ACSM2B: variants seen among roughly 807,000 people sequenced by gnomAD.
ACSM2B encodes the protein acyl-CoA synthetase medium chain family member 2B.
ACSM2B carries 58 observed loss-of-function variants against 78.6 expected under a neutral mutation model. That is an observed-to-expected ratio of 0.74 (90% confidence interval 0.60 to 0.92). The LOEUF (loss-of-function observed/expected upper bound fraction) is 0.92, where lower values mean the gene tolerates loss of function less well. Among genes scored for constraint, ACSM2B ranks in the 40% least tolerant of loss-of-function variants. The pLI is 0.00. For missense variants in ACSM2B, 688 were observed against 711.2 expected (o/e 0.97, Z 0.37); for synonymous variants, 257 against 256.8 (o/e 1.00, Z -0.01).
chr16:20,542,147 A>G (rs999198922), intron 12 of ACSM2B: 8 of 151,314 alleles, frequency 5.3e-5, no homozygotes, highest in African/African-American at 2.0e-4. Flanking sequence ...TATACAATAC[A>G]TGGTTGTTAA....
chr16:20,540,891 G>A (rs1489017259), intron 12 of ACSM2B, 118 bp from the exon 13 acceptor site: 25 of 1,418,360 alleles, frequency 1.8e-5, no homozygotes, highest in Middle Eastern at 4.7e-4. Flanking sequence ...TTGCACCCCC[G>A]GTGATCCAGG....
intron 2 of ACSM2B, among the ~76,000 whole-genome samples, chr16:20,563,763 T>C (rs1360223864): frequency 6.6e-6 from 1 of 151,892 alleles, no homozygotes. Context: ...GGACATCATG[T>C]CATAATCGTG....
At chr16:20,554,253 C>G (rs1045579283) in intron 4 of ACSM2B, 1 of 471,000 alleles carries the variant, frequency 2.1e-6, no homozygotes, top group South Asian at 1.7e-5. Flanking sequence ...GAGCAACTTG[C>G]TTAGCAAGAG....
intron 3 of ACSM2B, among the ~76,000 whole-genome samples, chr16:20,558,245 A>C (rs1297018655): frequency 6.6e-6 from 1 of 151,886 alleles, no homozygotes; most frequent in Non-Finnish European, 1.5e-5. Context: ...AAACTAACTC[A>C]ACCAGTTCTG....
intron 9 of ACSM2B, 60 bp from the exon 10 acceptor site, chr16:20,545,318 G>T (rs2015105661): frequency 5.1e-6 from 8 of 1,564,906 alleles, no homozygotes; most frequent in African/African-American, 4.1e-5. Context: ...TTCAATGGCA[G>T]CAGGAGATTG....
At position 20,537,116 on chromosome 16, in the gene ACSM2B, T is replaced by C; in HGVS notation, c.*142A>G. 1.0e-6 allele frequency: 1 copy of C among 961,426 alleles called. No homozygotes were observed. The highest frequency in any genetic ancestry group is 1.6e-6 in the Non-Finnish European group (1 of 625,914). 59.6% of individuals were successfully genotyped at this position (961,426 alleles called of 1,614,324 possible). A position where few individuals can be genotyped will look rare whatever the true frequency, so the allele number is the denominator to read the frequency against. On this transcript the variant is annotated 3_prime_UTR_variant, in exon 14 of 14. Transcript: ENST00000329697. ...TTTCAATATCTAACATAGTAATGTT[T>C]TGTGCTAATAACCAGGGCAAGACAA...
chr16:20,565,077 T>A (rs1386606837), intron 1 of ACSM2B, among the ~76,000 whole-genome samples: 3 of 152,150 alleles, frequency 2.0e-5, no homozygotes, highest in African/African-American at 7.2e-5. Context: ...ATCCTACATA[T>A]TCAACACTTC....
intron 1 of ACSM2B, chr16:20,575,653 T>C (rs941717693): frequency 1.3e-5 from 2 of 149,652 alleles, no homozygotes; most frequent in African/African-American, 4.9e-5. Context: ...AGGGTGGGTC[T>C]GCCTCTCCCA....
chr16:20,560,429 T>G (rs1298549049), intron 2 of ACSM2B, among the ~76,000 whole-genome samples: 1 of 151,990 alleles, frequency 6.6e-6, no homozygotes, highest in African/African-American at 2.4e-5. Flanking sequence ...TGGCACCTTC[T>G]CACTCTCTGT....
In ACSM2B at chr16:20,559,393, C is replaced by T. The variant is rs2015574521; in HGVS notation, c.232G>A (p.Glu78Lys). 2 of 1,612,906 alleles carry T rather than the reference C, an allele frequency of 1.2e-6. No homozygotes were observed. Among genetic ancestry groups the T allele is most frequent in the Non-Finnish European group, 1.7e-6 (2 of 1,179,446 alleles). The change falls in exon 3 of 14, where the codon GAA (glutamate) becomes AAA (lysine). Residue 78 changes from glutamate (E) to lysine (K), a missense_variant. Coordinates refer to ENST00000329697, the MANE Select transcript of ACSM2B (RefSeq NM_001105069.2). Reference protein sequence around the residue: ...ALWWVNGKGKELMWNFRELSE... With the variant: ...ALWWVNGKGKKLMWNFRELSE... ...AGTTCTCTGAAATTCCACATTAATT[C>T]CTTCCCCTTCCCATTCACCCACCAC...
chr16:20,538,894 A>G (rs1445251088), intron 13 of ACSM2B, among the ~76,000 whole-genome samples: 2 of 152,014 alleles, frequency 1.3e-5, no homozygotes, highest in Non-Finnish European at 2.9e-5. Context: ...GGACTCTGAT[A>G]TGCAGCTAAG....
chr16:20,537,090 A>C lies in ACSM2B; in HGVS notation c.*168T>G, dbSNP rs1386992706. The C allele has an allele frequency of 2.1e-5, 16 of 750,184 alleles. No individual in the cohort carries two copies. Among genetic ancestry groups the C allele is most frequent in the African/African-American group, 5.3e-5 (3 of 56,296 alleles). The allele number at this position is 750,184 out of a possible 1,614,324, so 46.5% of individuals were successfully genotyped here. On this transcript the variant is annotated 3_prime_UTR_variant, in exon 14 of 14. Coordinates refer to ENST00000329697, the MANE Select transcript of ACSM2B (RefSeq NM_001105069.2). ...CTCTCTCTCATTCCTTCCCTTTCTT[A>C]TTTCAATATCTAACATAGTAATGTT...
chr16:20,561,743 C>T (rs1247662629), intron 2 of ACSM2B, among the ~76,000 whole-genome samples: 6 of 151,310 alleles, frequency 4.0e-5, no homozygotes, highest in African/African-American at 7.3e-5. Flanking sequence ...CTTTAAGTTT[C>T]AGGGTACATG....
chr16:20,544,591 C>G, intron 10 of ACSM2B: 2 of 985,248 alleles, frequency 2.0e-6, no homozygotes, highest in Non-Finnish European at 2.4e-6. Flanking sequence ...AAGGCATGCC[C>G]TTGGGTTCTT....
intron 1 of ACSM2B, among the ~76,000 whole-genome samples, chr16:20,571,511 G>T (rs1396777388): frequency 6.0e-5 from 9 of 151,030 alleles, no homozygotes; most frequent in Non-Finnish European, 1.2e-4. Flanking sequence ...CTTGGAGAAA[G>T]TTCCATGCAC....
chr16:20,540,890 C>T (rs1169549313), intron 12 of ACSM2B, 117 bp from the exon 13 acceptor site: 18 of 1,425,994 alleles, frequency 1.3e-5, no homozygotes, highest in Admixed American at 2.0e-5. Flanking sequence ...TTTGCACCCC[C>T]GGTGATCCAG....
At chr16:20,540,103 G>C (rs557447375) in intron 13 of ACSM2B, among the ~76,000 whole-genome samples, 16 of 152,300 alleles carry the variant, frequency 1.1e-4, no homozygotes, top group South Asian at 4.1e-4. Flanking sequence ...TTATTCCCTT[G>C]ACAGCATTTG....
At position 20,566,658 on chromosome 16, in the gene ACSM2B, ATGTATATATAG is replaced by A. The variant is rs1567218171; in HGVS notation, c.-8-1816_-8-1806del. Among the ~76,000 whole-genome samples, 140 of 7,336 alleles carry A rather than the reference ATGTATATATAG, an allele frequency of 0.019. 16 individuals are homozygous for A. The East Asian group carries it at 0.27, about 14-fold the overall frequency. The allele number at this position is 7,336 out of a possible 152,430, so 4.8% of individuals were successfully genotyped here. Reference sequence around the variant, plus strand: ...AGTATATATATACTATACTATATATATGTATATATAGTATATACATATAGTATATACTATAT... The same window carrying A: ...AGTATATATATACTATACTATATATATATATACATATAGTATATACTATAT... On this transcript the variant is annotated intron_variant, in intron 1 of 13. Coordinates refer to ENST00000329697, the MANE Select transcript of ACSM2B (RefSeq NM_001105069.2).
Position 20,552,226 on chromosome 16 carries a change from C to G in ACSM2B, c.812G>C (p.Gly271Ala). The change falls in exon 6 of 14, where the codon GGC (glycine) becomes GCC (alanine). Residue 271 changes from glycine (G) to alanine (A), a missense_variant. Physicochemically the swap from Gly to Ala is moderately conservative, Grantham distance 60. Coordinates refer to ENST00000329697, the MANE Select transcript of ACSM2B (RefSeq NM_001105069.2). ...TAATGTCCAAGATTCCAAAAGTGAG[C>G]CCAAGATGTTCAGTATCCAACCTGT... ...SDTGWILNILGSLLESWTLGA... is the reference protein window; with the variant it reads ...SDTGWILNILASLLESWTLGA... 4 of 1,613,796 alleles carry G rather than the reference C, an allele frequency of 2.5e-6. No homozygotes were observed. Among genetic ancestry groups the G allele is most frequent in the Non-Finnish European group, 3.4e-6 (4 of 1,179,820 alleles).
Sources: allele counts gnomAD v4.1 joint callset (sites outside exome capture counted in the v4.1 genomes callset), GRCh38; gene constraint gnomAD v4.1.1; transcripts MANE v1.5; gene names NCBI Gene and HGNC (gene_info 2026-07-23, HGNC 2026-07-21).